GOLGA7: variants seen among roughly 807,000 people sequenced by gnomAD.
The protein encoded by GOLGA7 is golgin A7, also known as golgin subfamily A member 7.
GOLGA7 carries 10 observed loss-of-function variants against 21.1 expected under a neutral mutation model. The ratio of observed to expected loss-of-function variants is 0.47; its 90% confidence interval spans 0.29 to 0.80. GOLGA7 has a LOEUF of 0.80. Among genes scored for constraint, GOLGA7 ranks in the 30% least tolerant of loss-of-function variants. The probability of loss-of-function intolerance (pLI) is 0.08; values close to 1 mark genes in which losing one functional copy is unlikely to be tolerated. For missense variants in GOLGA7, 114 were observed against 166.8 expected (o/e 0.68, Z 1.74); for synonymous variants, 64 against 62.6 (o/e 1.02, Z -0.10).
rs541835298 is a variant in GOLGA7 at position 41,492,248 on chromosome 8, G to GA, written c.111+1285dup. Among the ~76,000 whole-genome samples the GA allele has an allele frequency of 3.5e-3, 528 of 152,358 alleles. 3 individuals carry two copies. Among genetic ancestry groups the GA allele is most frequent in the African/African-American group, 8.5e-3 (353 of 41,578 alleles). On this transcript the variant is annotated intron_variant, in intron 1 of 4. Transcript: ENST00000357743. ...AGTTAACTGAGCGTGACAATAGGTG[G>GA]AACTATCTACAGTGGTTTGAAGAGG...
chr8:41,495,202 CAAAAAAAAAA>C (rs1200554916), intron 1 of GOLGA7, among the ~76,000 whole-genome samples: 1 of 39,622 alleles, frequency 2.5e-5, no homozygotes, highest in East Asian at 1.3e-3. Context: ...GACTCTGTCT[CAAAAAAAAAA>C]AAAAAAAAAA....
chr8:41,503,049 ATTTTT>A (rs1563418961), intron 2 of GOLGA7, among the ~76,000 whole-genome samples: 3 of 152,018 alleles, frequency 2.0e-5, no homozygotes, highest in Non-Finnish European at 4.4e-5. Flanking sequence ...TTTTTATTTT[ATTTTT>A]ATTTTGAGAC....
chr8:41,508,095 C>T (rs1272796735), intron 4 of GOLGA7, among the ~76,000 whole-genome samples: 1 of 152,220 alleles, frequency 6.6e-6, no homozygotes, highest in Admixed American at 6.5e-5. Context: ...TTCTCACAGT[C>T]ACACAGTTAA....
intron 1 of GOLGA7, among the ~76,000 whole-genome samples, chr8:41,493,676 G>A (rs1293357512): frequency 6.6e-6 from 1 of 152,018 alleles, no homozygotes; most frequent in Non-Finnish European, 1.5e-5. Flanking sequence ...AATTACCTTT[G>A]ACCTGCCACC....
At chr8:41,495,233 A>C (rs1455032698) in intron 1 of GOLGA7, among the ~76,000 whole-genome samples, 1 of 146,600 alleles carries the variant, frequency 6.8e-6, no homozygotes, top group African/African-American at 2.5e-5. Flanking sequence ...AAAAGATTAC[A>C]TTCTTGGGAA....
At chr8:41,498,337 G>A (rs62507798) in intron 2 of GOLGA7, among the ~76,000 whole-genome samples, 2,425 of 152,082 alleles carry the variant, frequency 0.016, 41 homozygotes, top group Middle Eastern at 0.068. Context: ...TTTATAAAGC[G>A]CAGATTTACT....
In GOLGA7 at chr8:41,490,968, A is replaced by G. The variant is rs1182797417; in HGVS notation, c.111+3A>G. ...TCCCTGCGGAGCTGGAGAACCGGGT[A>G]CGCAACCTGGCTCCCCACGCCTGCT... On this transcript the variant is annotated splice_donor_region_variant and intron_variant, in intron 1 of 4. Coordinates refer to ENST00000357743, the MANE Select transcript of GOLGA7 (RefSeq NM_001002296.2). 2 of 1,501,066 alleles carry G rather than the reference A, an allele frequency of 1.3e-6. No homozygotes were observed. Among genetic ancestry groups the G allele is most frequent in the Non-Finnish European group, 9.1e-7 (1 of 1,093,388 alleles). 93.0% of individuals were successfully genotyped at this position (1,501,066 alleles called of 1,614,324 possible).
intron 2 of GOLGA7, among the ~76,000 whole-genome samples, chr8:41,500,189 A>G (rs1188487573): frequency 2.0e-5 from 3 of 152,246 alleles, no homozygotes; most frequent in Non-Finnish European, 4.4e-5. Context: ...AATAACAAGG[A>G]AACAAAGCCA....
intron 2 of GOLGA7, among the ~76,000 whole-genome samples, chr8:41,505,063 A>C (rs1806252216): frequency 1.3e-5 from 2 of 152,246 alleles, no homozygotes; most frequent in African/African-American, 4.8e-5. Flanking sequence ...AGCCTGAAAT[A>C]AAACATGTAA....
intron 2 of GOLGA7, among the ~76,000 whole-genome samples, chr8:41,501,809 T>C (rs904827333): frequency 6.6e-6 from 1 of 152,240 alleles, no homozygotes; most frequent in Non-Finnish European, 1.5e-5. Context: ...GCTAGTTTAT[T>C]TGGGTGCTGA....
chr8:41,507,109 C>A lies in GOLGA7; in HGVS notation c.*3C>A. On this transcript the variant is annotated 3_prime_UTR_variant, in exon 4 of 5. Transcript: ENST00000357743. ...GAGGCATGAGCAGTGGAAGATAAAC[C>A]GAAGAATTAAAGGTAAATATGAAAT... 8.3e-7 allele frequency: 1 copy of A among 1,209,038 alleles called. No homozygotes were observed. The highest frequency in any genetic ancestry group is 1.2e-6 in the Non-Finnish European group (1 of 810,244). The allele number at this position is 1,209,038 out of a possible 1,614,324, so 74.9% of individuals were successfully genotyped here.
At position 41,510,227 on chromosome 8, in the gene GOLGA7, T is replaced by C. The variant is rs1806389232; in HGVS notation, c.*659T>C. 1 of 152,646 alleles carries C rather than the reference T, an allele frequency of 6.6e-6. No individual in the cohort carries two copies. 9.5% of individuals were successfully genotyped at this position (152,646 alleles called of 1,614,324 possible). On this transcript the variant is annotated 3_prime_UTR_variant, in exon 5 of 5. Transcript: ENST00000357743. ...CTAATTAAAGCAGTATTTAATGCAA[T>C]TTCCAGTTATTTCTTTGGAGAATTT...
At chr8:41,508,635 GT>G (rs1806347340) in intron 4 of GOLGA7, among the ~76,000 whole-genome samples, 1 of 152,320 alleles carries the variant, frequency 6.6e-6, no homozygotes, top group African/African-American at 2.4e-5. Flanking sequence ...GTAATCATGT[GT>G]TTTTCTGATG....
intron 2 of GOLGA7, among the ~76,000 whole-genome samples, chr8:41,504,980 A>G (rs1806249918): frequency 6.6e-6 from 1 of 152,226 alleles, no homozygotes; most frequent in South Asian, 2.1e-4. Flanking sequence ...TTAAGGAAAT[A>G]TATAGTAATT....
intron 2 of GOLGA7, among the ~76,000 whole-genome samples, chr8:41,500,308 G>A (rs1232306441): frequency 6.6e-6 from 1 of 152,214 alleles, no homozygotes; most frequent in Non-Finnish European, 1.5e-5. Flanking sequence ...GGCCTCTGAG[G>A]TGGTGACATT....
intron 2 of GOLGA7, among the ~76,000 whole-genome samples, chr8:41,500,888 A>G (rs147308287): frequency 2.0e-3 from 299 of 152,320 alleles, no homozygotes; most frequent in Non-Finnish European, 2.7e-3. Flanking sequence ...ACCAGCTCCA[A>G]GGGATATGTT....
intron 2 of GOLGA7, among the ~76,000 whole-genome samples, chr8:41,499,683 G>A (rs1383343160): frequency 6.6e-6 from 1 of 152,086 alleles, no homozygotes; most frequent in African/African-American, 2.4e-5. Context: ...TGCACCTCTT[G>A]ACATCCAGCC....
intron 1 of GOLGA7, among the ~76,000 whole-genome samples, chr8:41,494,993 C>T (rs528892485): frequency 1.3e-5 from 2 of 151,906 alleles, no homozygotes; most frequent in South Asian, 4.1e-4. Context: ...TCACATGAGG[C>T]TAGGAGCCTG....
At chr8:41,506,605 C>T (rs1230348714) in intron 3 of GOLGA7, among the ~76,000 whole-genome samples, 5 of 152,054 alleles carry the variant, frequency 3.3e-5, no homozygotes, top group Non-Finnish European at 7.4e-5. Flanking sequence ...GTCACATAAT[C>T]CCAGGCCTTC....
Sources: allele counts gnomAD v4.1 joint callset (sites outside exome capture counted in the v4.1 genomes callset), GRCh38; gene constraint gnomAD v4.1.1; transcripts MANE v1.5; gene names NCBI Gene and HGNC (gene_info 2026-07-23, HGNC 2026-07-21).